The following FUT2 variants were observed in gnomAD, a reference collection of about 807,000 sequenced individuals.
FUT2 encodes the protein galactoside alpha-(1,2)-fucosyltransferase 2.
For synonymous variants in FUT2, 182 were observed against 193.1 expected (o/e 0.94, Z 0.48); for missense variants, 419 against 465.8 (o/e 0.90, Z 0.93).
At chr19:48,701,401 G>A (rs1377594830) in intron 1 of FUT2, among the ~76,000 whole-genome samples, 1 of 151,842 alleles carries the variant, frequency 6.6e-6, no homozygotes, top group Non-Finnish European at 1.5e-5. Context: ...TTGGTCTCCA[G>A]CTCCTGACCT....
rs1359325445 is a variant in FUT2, at chr19:48,705,502, T to C, written c.*1514T>C. On this transcript the variant is annotated 3_prime_UTR_variant, in exon 2 of 2. Transcript: ENST00000425340. Reference sequence around the variant, plus strand: ...CATATTGGCTTGTAGCTGGCATGCATCCAAGTCCATAGGTCCTGCCTCTTC... The same window carrying C: ...CATATTGGCTTGTAGCTGGCATGCACCCAAGTCCATAGGTCCTGCCTCTTC... 1 of 167,102 alleles carries C rather than the reference T, an allele frequency of 6.0e-6. No homozygotes were observed. Among genetic ancestry groups the C allele is most frequent in the East Asian group, 1.9e-4 (1 of 5,260 alleles). 10.4% of individuals were successfully genotyped at this position (167,102 alleles called of 1,614,324 possible).
intron 1 of FUT2, 104 bp downstream of exon 1, chr19:48,696,193 C>G (rs369283699): frequency 6.6e-6 from 1 of 152,324 alleles, no homozygotes; most frequent in Non-Finnish European, 1.5e-5. Context: ...TCGTGGGTCC[C>G]TGGTGCCCTC....
chr19:48,697,764 G>A (rs1156229811), intron 1 of FUT2, among the ~76,000 whole-genome samples: 1 of 151,806 alleles, frequency 6.6e-6, no homozygotes, highest in Non-Finnish European at 1.5e-5. Flanking sequence ...GTACAATCTC[G>A]GCTCACTGCA....
chr19:48,697,989 G>A (rs1170909935), intron 1 of FUT2, among the ~76,000 whole-genome samples: 3 of 148,684 alleles, frequency 2.0e-5, no homozygotes, highest in Admixed American at 6.8e-5. Flanking sequence ...CCACTGCACT[G>A]GCTCTTTTTT....
intron 1 of FUT2, among the ~76,000 whole-genome samples, chr19:48,700,971 A>AG (rs2032506089): frequency 6.6e-6 from 1 of 152,034 alleles, no homozygotes; most frequent in Admixed American, 6.5e-5. Context: ...CAAGGAGAAA[A>AG]GGGGAAATGG....
intron 1 of FUT2, among the ~76,000 whole-genome samples, chr19:48,698,631 G>A (rs1480033766): frequency 6.6e-6 from 1 of 151,956 alleles, no homozygotes; most frequent in Non-Finnish European, 1.5e-5. Context: ...TAGTAGCGAC[G>A]GGGTTTCTCC....
At position 48,702,975 on chromosome 19, in the gene FUT2, C is replaced by A. The variant is rs772734604; in HGVS notation, c.19C>A (p.Pro7Thr). ...GACAGCCATGCTGGTCGTTCAGATG[C>A]CTTTCTCCTTTCCCATGGCCCACTT... MLVVQMPFSFPMAHFIL... is the reference protein window; with the variant it reads MLVVQMTFSFPMAHFIL... Residue 7 changes from proline to threonine, a missense_variant, in exon 2 of 2, where the codon CCT (proline) becomes ACT (threonine). Pro to Thr is a conservative substitution (Grantham distance 38, BLOSUM62 -1). Coordinates refer to ENST00000425340, the MANE Select transcript of FUT2 (RefSeq NM_000511.6). The A allele has an allele frequency of 1.8e-5, 29 of 1,613,068 alleles. 1 individual carries two copies. Among genetic ancestry groups the A allele is most frequent in the Admixed American group, 5.0e-5 (3 of 59,990 alleles).
rs112140559 is a variant in FUT2 at position 48,705,164 on chromosome 19, G to A, written c.*1176G>A. 5 of 162,856 alleles carry A rather than the reference G, an allele frequency of 3.1e-5. No individual in the cohort carries two copies. The highest frequency in any genetic ancestry group is 1.1e-4 in the African/African-American group (4 of 37,558). The allele number at this position is 162,856 out of a possible 1,614,324, so 10.1% of individuals were successfully genotyped here. A position where few individuals can be genotyped will look rare whatever the true frequency, so the allele number is the denominator to read the frequency against. On this transcript the variant is annotated 3_prime_UTR_variant, in exon 2 of 2. Coordinates refer to ENST00000425340, the MANE Select transcript of FUT2 (RefSeq NM_000511.6). ...CTTGCTGCATCCCCCAGGCTGGAGTGCAGTGGCATGATCTTGGCTCACTGC... is the reference window on the plus strand; with the variant it reads ...CTTGCTGCATCCCCCAGGCTGGAGTACAGTGGCATGATCTTGGCTCACTGC...
At chr19:48,697,253 G>GA (rs1169515079) in intron 1 of FUT2, among the ~76,000 whole-genome samples, 1 of 150,334 alleles carries the variant, frequency 6.7e-6, no homozygotes, top group African/African-American at 2.5e-5. Context: ...GCTGAGGCAG[G>GA]AGAATCGTTT....
chr19:48,703,137 A>AG lies in FUT2; in HGVS notation c.186dup (p.Met63AspfsTer182), dbSNP rs1355217688. 1.2e-6 allele frequency: 2 copies of AG among 1,613,512 alleles called. No homozygotes were observed. Among genetic ancestry groups the AG allele is most frequent in the Non-Finnish European group, 1.7e-6 (2 of 1,180,018 alleles). On this transcript the variant is annotated frameshift_variant, in exon 2 of 2. Coordinates refer to ENST00000425340, the MANE Select transcript of FUT2 (RefSeq NM_000511.6). LOFTEE classifies it low-confidence loss of function (END_TRUNC). ...AAAGGCACTGGGACCCAGCCAGCTC[A>AG]GGGGGATGTGGACGATCAATGCAAT...
At position 48,704,073 on chromosome 19, in the gene FUT2, A is replaced by T; in HGVS notation, c.*85A>T. On this transcript the variant is annotated 3_prime_UTR_variant, in exon 2 of 2. Coordinates refer to ENST00000425340, the MANE Select transcript of FUT2 (RefSeq NM_000511.6). ...GGCATGAGAAGCACATGGTTCCATGAGCAGGACCCATCTCTCTTCTGTGAA... is the reference window on the plus strand; with the variant it reads ...GGCATGAGAAGCACATGGTTCCATGTGCAGGACCCATCTCTCTTCTGTGAA... The T allele has an allele frequency of 2.5e-6, 3 of 1,219,480 alleles. No homozygotes were observed. Among genetic ancestry groups the T allele is most frequent in the Non-Finnish European group, 3.6e-6 (3 of 826,588 alleles). The allele number at this position is 1,219,480 out of a possible 1,614,324, so 75.5% of individuals were successfully genotyped here.
At position 48,703,310 on chromosome 19, in the gene FUT2, G is replaced by A. The variant is rs200375155; in HGVS notation, c.354G>A (p.Thr118=). The change falls in exon 2 of 2, where the codon ACG becomes ACA. Residue 118 remains threonine, a synonymous_variant. Transcript: ENST00000425340. ...RITLPVLHSA[T]ASRIPWQNYH... is the part of the protein sequence containing the mutation. ...CCCTGCCGGTGCTGCACAGCGCCAC[G>A]GCCAGCAGGATCCCCTGGCAGAACT... is the stretch of plus-strand genomic sequence containing the variant. 1.4e-5 allele frequency: 22 copies of A among 1,612,922 alleles called. 1 individual carries two copies. The Admixed American group carries it at 1.8e-4, about 13-fold the overall frequency.
At chr19:48,701,182 T>C (rs1055439748) in intron 1 of FUT2, among the ~76,000 whole-genome samples, 4 of 151,996 alleles carry the variant, frequency 2.6e-5, no homozygotes, top group Admixed American at 2.0e-4. Context: ...AGTCTTGCTG[T>C]GTCCCCCAGG....
rs764196118 is a variant in FUT2 at position 48,705,111 on chromosome 19, C to CTTTTTTTTTTTTTTTTTTTTTTT, written c.*1140_*1141insTTTTTTTTTTTTTTTTTTTTTTT. ...CACTGTTTTCTTTTCTTTTTCTTTT[C>CTTTTTTTTTTTTTTTTTTTTTTT]TTTTTTTTTTTTTTTTTGAGATGGA... On this transcript the variant is annotated 3_prime_UTR_variant, in exon 2 of 2. Transcript: ENST00000425340. 2 of 137,304 alleles carry CTTTTTTTTTTTTTTTTTTTTTTT rather than the reference C, an allele frequency of 1.5e-5. No homozygotes were observed. Among genetic ancestry groups the CTTTTTTTTTTTTTTTTTTTTTTT allele is most frequent in the African/African-American group, 7.2e-5 (2 of 27,730 alleles). The allele number at this position is 137,304 out of a possible 1,614,324, so 8.5% of individuals were successfully genotyped here.
chr19:48,700,540 C>T (rs1018545585), intron 1 of FUT2, among the ~76,000 whole-genome samples: 3 of 151,884 alleles, frequency 2.0e-5, no homozygotes, highest in South Asian at 2.1e-4. Flanking sequence ...ACCGTGTTAG[C>T]CAGGATGGTC....
chr19:48,700,966 A>T (rs1038830405), intron 1 of FUT2, among the ~76,000 whole-genome samples: 12 of 152,076 alleles, frequency 7.9e-5, no homozygotes, highest in East Asian at 7.8e-4. Context: ...GTTACCAAGG[A>T]GAAAAGGGGA....
At chr19:48,700,642 C>T (rs2032500654) in intron 1 of FUT2, among the ~76,000 whole-genome samples, 1 of 152,006 alleles carries the variant, frequency 6.6e-6, no homozygotes, top group African/African-American at 2.4e-5. Context: ...GCTACCATTT[C>T]TTAGCTGTAT....
chr19:48,696,996 G>A (rs2122205102), intron 1 of FUT2, among the ~76,000 whole-genome samples: 1 of 152,170 alleles, frequency 6.6e-6, no homozygotes, highest in African/African-American at 2.4e-5. Flanking sequence ...AAGGGGCAGG[G>A]CCGGCGCTGG....
In FUT2 at chr19:48,705,079, G is replaced by C. The variant is rs2032611773; in HGVS notation, c.*1091G>C. 9.4e-6 allele frequency: 3 copies of C among 318,602 alleles called. No individual in the cohort carries two copies. Among genetic ancestry groups the C allele is most frequent in the Admixed American group, 5.3e-5 (1 of 18,788 alleles). 19.7% of individuals were successfully genotyped at this position (318,602 alleles called of 1,614,324 possible). ...GTGTCCTTGGCATTGTGTCCACCCAGAGAGCTCACTGTTTTCTTTTCTTTT... is the reference window on the plus strand; with the variant it reads ...GTGTCCTTGGCATTGTGTCCACCCACAGAGCTCACTGTTTTCTTTTCTTTT... On this transcript the variant is annotated 3_prime_UTR_variant, in exon 2 of 2. Transcript: ENST00000425340.
Sources: allele counts gnomAD v4.1 joint callset (sites outside exome capture counted in the v4.1 genomes callset), GRCh38; gene constraint gnomAD v4.1.1; transcripts MANE v1.5; gene names NCBI Gene and HGNC (gene_info 2026-07-23, HGNC 2026-07-21).